Variants in CCDC57 observed in about 807,000 individuals in gnomAD.
CCDC57 encodes coiled-coil domain-containing protein 57.
Under a neutral mutation model 118.9 loss-of-function variants are expected in CCDC57, and 118 were observed. The ratio of observed to expected loss-of-function variants is 0.99; its 90% CI spans 0.86 to 1.16. The LOEUF (loss-of-function observed/expected upper bound fraction) is 1.16, where lower values mean the gene tolerates loss of function less well. CCDC57 is among the 50% of genes most tolerant of loss of function. The probability of loss-of-function intolerance (pLI) is 0.00; values close to 1 mark genes in which losing one functional copy is unlikely to be tolerated. For synonymous variants in CCDC57, 527 were observed against 532.9 expected (o/e 0.99, Z 0.15); for missense variants, 1,300 against 1,320.7 (o/e 0.98, Z 0.24).
intron 2 of CCDC57, among the ~76,000 whole-genome samples, chr17:82,205,086 G>A (rs1300472354): frequency 6.6e-6 from 1 of 152,130 alleles, no homozygotes; most frequent in Non-Finnish European, 1.5e-5. Context: ...TTTGTACACA[G>A]AGGACATGCA....
chr17:82,157,698 T>G, intron 15 of CCDC57, 50 bp downstream of exon 14: 9 of 1,542,358 alleles, frequency 5.8e-6, no homozygotes, highest in Non-Finnish European at 7.9e-6. Context: ...AAGGACGGTT[T>G]CTGTGGCAGG....
chr17:82,142,364 G>C (rs1309678464), intron 16 of CCDC57, among the ~76,000 whole-genome samples: 1 of 151,800 alleles, frequency 6.6e-6, no homozygotes, highest in African/African-American at 2.4e-5. Context: ...CCAGGCTGGA[G>C]TGCAGTGGCG....
chr17:82,140,942 T>C (rs1358048834), intron 16 of CCDC57, among the ~76,000 whole-genome samples: 1 of 152,164 alleles, frequency 6.6e-6, no homozygotes, highest in African/African-American at 2.4e-5. Flanking sequence ...TTGGCTTGGT[T>C]TTCTAGCCTC....
intron 16 of CCDC57, among the ~76,000 whole-genome samples, chr17:82,136,946 C>A (rs1417672694): frequency 6.6e-6 from 1 of 151,378 alleles, no homozygotes; most frequent in African/African-American, 2.4e-5. Flanking sequence ...TTTAAAAAGC[C>A]ATGAAATGTG....
intron 16 of CCDC57, among the ~76,000 whole-genome samples, chr17:82,147,494 T>A (rs1263210035): frequency 6.8e-6 from 1 of 146,474 alleles, no homozygotes; most frequent in African/African-American, 2.6e-5. Context: ...GACAGGTGAG[T>A]GTGTGGGTAG....
At chr17:82,112,155 G>A (rs1480076891) in intron 19 of CCDC57, 1 of 152,028 alleles carries the variant, frequency 6.6e-6, no homozygotes, top group African/African-American at 2.4e-5. Flanking sequence ...TGTATTTTTA[G>A]TAGAGACGGG....
intron 17 of CCDC57, among the ~76,000 whole-genome samples, chr17:82,130,458 G>C (rs374304938): frequency 4.7e-5 from 7 of 149,148 alleles, no homozygotes; most frequent in Admixed American, 2.0e-4. Context: ...GCCCCAAAAA[G>C]TGCTGGGATT....
Position 82,135,967 on chromosome 17 carries a change from T to TA in CCDC57, c.2456-1774dup, listed in dbSNP as rs1186748729. ...GATATGCAATAAAAGTATTCTTAAT[T>TA]AAAAAAAACCCCGACAGAAAATAGC... On this transcript the variant is annotated intron_variant, in intron 16 of 19. Transcript: ENST00000665763. Among the ~76,000 whole-genome samples, 7 of 151,996 alleles carry TA rather than the reference T, an allele frequency of 4.6e-5. No homozygotes were observed. The South Asian group carries it at 8.3e-4, about 18-fold the overall frequency.
intron 14 of CCDC57, among the ~76,000 whole-genome samples, chr17:82,159,532 G>A (rs189220363): frequency 4.0e-4 from 61 of 152,298 alleles, no homozygotes; most frequent in African/African-American, 1.3e-3. Flanking sequence ...CAATCAAGGC[G>A]AGGCGTTAGG....
intron 16 of CCDC57, among the ~76,000 whole-genome samples, chr17:82,149,592 G>A (rs116804785): frequency 0.016 from 2,498 of 152,202 alleles, 70 homozygotes; most frequent in African/African-American, 0.057. Context: ...TCCCCAGAGC[G>A]CCCGCAGCTA....
At chr17:82,140,335 C>T (rs111950295) in intron 16 of CCDC57, among the ~76,000 whole-genome samples, 6,538 of 152,236 alleles carry the variant, frequency 0.043, 226 homozygotes, top group South Asian at 0.092. Flanking sequence ...ATCTGCCTGC[C>T]TCGGCCTCCC....
chr17:82,157,840 C>T, exon 15 of CCDC57: 1 of 1,598,470 alleles, frequency 6.3e-7, no homozygotes, highest in Non-Finnish European at 8.5e-7. Flanking sequence ...AGATGCTTCC[C>T]CAGCTCAGCC....
At chr17:82,201,427 G>A (rs1042641834) in intron 3 of CCDC57, 111 bp downstream of exon 2, 8 of 1,311,056 alleles carry the variant, frequency 6.1e-6, no homozygotes, top group East Asian at 2.5e-5. Context: ...AATCAGCAGC[G>A]GGAGGAGGGG....
exon 16 of CCDC57, chr17:82,151,648 T>G: frequency 1.3e-6 from 2 of 1,550,420 alleles, no homozygotes; most frequent in Non-Finnish European, 1.7e-6. Flanking sequence ...TTTTTCTGGC[T>G]GCCTCCTTCA....
At chr17:82,184,574 C>A (rs953666858) in intron 8 of CCDC57, among the ~76,000 whole-genome samples, 1 of 152,248 alleles carries the variant, frequency 6.6e-6, no homozygotes, top group Non-Finnish European at 1.5e-5. Flanking sequence ...CTTGCATGGG[C>A]GTAGCCCTGT....
At chr17:82,201,856 T>C (rs1184814358) in exon 3 of CCDC57, 2 of 1,613,368 alleles carry the variant, frequency 1.2e-6, no homozygotes, top group Admixed American at 3.3e-5. Context: ...CTCCTGCAGC[T>C]GGGTGCGGTG....
intron 17 of CCDC57, among the ~76,000 whole-genome samples, chr17:82,130,840 C>T (rs2038255238): frequency 6.6e-6 from 1 of 150,676 alleles, no homozygotes; most frequent in Non-Finnish European, 1.5e-5. Context: ...GGGACGGAGT[C>T]TCACTCTGTC....
exon 14 of CCDC57, chr17:82,163,200 C>T (rs1307360663): frequency 6.2e-7 from 1 of 1,613,630 alleles, no homozygotes; most frequent in Admixed American, 1.7e-5. Context: ...ACTGCCTCAC[C>T]TTCTGTCTGA....
At chr17:82,181,019 C>G (rs2046147009) in intron 9 of CCDC57, among the ~76,000 whole-genome samples, 1 of 152,206 alleles carries the variant, frequency 6.6e-6, no homozygotes, top group Non-Finnish European at 1.5e-5. Flanking sequence ...CATTCCGGAT[C>G]CCCGCAGGGA....
Sources: gnomAD v4.1 joint callset for allele counts (sites outside exome capture counted in the v4.1 genomes callset) on GRCh38, gnomAD v4.1.1 for gene constraint, MANE v1.5 for transcripts, NCBI Gene and HGNC (gene_info 2026-07-23, HGNC 2026-07-21) for gene names.